GDAP1L1: variants seen among roughly 807,000 people sequenced by gnomAD.
GDAP1L1 encodes ganglioside induced differentiation associated protein 1 like 1, also known as ganglioside-induced differentiation-associated protein 1-like 1.
GDAP1L1 carries 21 observed loss-of-function variants against 37.1 expected under a neutral mutation model. The observed-to-expected ratio is 0.57, with a 90% CI of 0.40 to 0.81. The LOEUF (loss-of-function observed/expected upper bound fraction) is 0.81. GDAP1L1 is among the 40% of genes least tolerant of loss of function. The probability of loss-of-function intolerance (pLI) is 0.00; values close to 1 mark genes in which losing one functional copy is unlikely to be tolerated. For missense variants in GDAP1L1, 362 were observed against 491.6 expected, an observed-to-expected ratio of 0.74 and a Z score of 2.49; for synonymous variants, 193 against 209.1, an observed-to-expected ratio of 0.92 and a Z score of 0.67.
chr20:44,279,658 T>C lies in GDAP1L1; in HGVS notation c.*358T>C, dbSNP rs2062621640. The C allele has an allele frequency of 2.1e-6, 1 of 480,746 alleles. No homozygotes were observed. Among genetic ancestry groups the C allele is most frequent in the Non-Finnish European group, 4.3e-6 (1 of 233,788 alleles). 29.8% of individuals were successfully genotyped at this position (480,746 alleles called of 1,614,324 possible). A position where few individuals can be genotyped will look rare whatever the true frequency, so the allele number is the denominator to read the frequency against. ...GATGTTTCGTCCACCAGGGCCCAGA[T>C]TCTGGGAGGTGCTGGGGACTCAGAG... On this transcript the variant is annotated 3_prime_UTR_variant, in exon 6 of 6. Coordinates refer to ENST00000342560, the MANE Select transcript of GDAP1L1 (RefSeq NM_024034.6).
At chr20:44,278,677 GGC>G (rs2062609740) in intron 5 of GDAP1L1, among the ~76,000 whole-genome samples, 1 of 152,034 alleles carries the variant, frequency 6.6e-6, no homozygotes, top group Non-Finnish European at 1.5e-5. Flanking sequence ...CACCATGCCT[GGC>G]CACGTATTTG....
chr20:44,276,385 AAAGAAAAGAAAG>A (rs2062574729), intron 5 of GDAP1L1, among the ~76,000 whole-genome samples: 10 of 147,100 alleles, frequency 6.8e-5, no homozygotes, highest in African/African-American at 2.3e-4. Context: ...GAAGGAAGGA[AAAGAAAAGAAAG>A]GGAAAGAAAA....
chr20:44,272,176 A>G (rs2062524454), intron 5 of GDAP1L1, among the ~76,000 whole-genome samples: 1 of 152,122 alleles, frequency 6.6e-6, no homozygotes, highest in South Asian at 2.1e-4. Context: ...AAGGGGGAGG[A>G]GCACCTAGAA....
chr20:44,247,442 G>A lies in GDAP1L1; in HGVS notation c.108G>A (p.Ala36=). The A allele has an allele frequency of 6.2e-7, 1 of 1,607,324 alleles. No individual in the cohort carries two copies. The highest frequency in any genetic ancestry group is 8.5e-7 in the Non-Finnish European group (1 of 1,177,590). The stretch of plus-strand genomic sequence containing the variant: ...CGGAGGCCCCCGACGCTCCCGAGGC[G>A]GCCAGCCCCGCCCATTGGCCCAGGG... ...KPAEAPDAPE[A]ASPAHWPRES... is the part of the protein sequence containing the mutation. The change falls in exon 1 of 6, where the codon GCG becomes GCA. Residue 36 remains alanine (A), a synonymous_variant. Transcript: ENST00000342560.
chr20:44,276,466 A>AAGAAAGAAAGAAAGAAAGAAAGAG (rs1555801145), intron 5 of GDAP1L1, among the ~76,000 whole-genome samples: 1 of 136,986 alleles, frequency 7.3e-6, no homozygotes, highest in South Asian at 2.4e-4. Flanking sequence ...GAAAGAAAGA[A>AAGAAAGAAAGAAAGAAAGAAAGAG]AAAGAAAGGC....
intron 5 of GDAP1L1, among the ~76,000 whole-genome samples, chr20:44,278,278 G>A (rs1236900381): frequency 2.0e-5 from 3 of 152,162 alleles, no homozygotes. Context: ...GTGGCTCTGG[G>A]GGGAATTCCA....
intron 5 of GDAP1L1, among the ~76,000 whole-genome samples, chr20:44,267,952 C>T (rs931527951): frequency 2.0e-5 from 3 of 152,136 alleles, no homozygotes; most frequent in Non-Finnish European, 4.4e-5. Flanking sequence ...GGAGAGGTGT[C>T]GACAGTCCTT....
chr20:44,276,095 G>A (rs938957489), intron 5 of GDAP1L1, among the ~76,000 whole-genome samples: 3 of 151,710 alleles, frequency 2.0e-5, no homozygotes, highest in African/African-American at 7.3e-5. Flanking sequence ...GCCGAGGCAG[G>A]CGGATCATCT....
intron 1 of GDAP1L1, among the ~76,000 whole-genome samples, chr20:44,251,981 T>C (rs1036340525): frequency 6.6e-6 from 1 of 152,214 alleles, no homozygotes; most frequent in African/African-American, 2.4e-5. Flanking sequence ...GCGCATGATA[T>C]TTTGAGACAA....
In GDAP1L1 at chr20:44,280,867, A is replaced by G. The variant is rs2062632138; in HGVS notation, c.*1567A>G. ...GGGAAAAATGTATTTAAAATGCCCA[A>G]AGAACATTAAATCAGGAGTATAATG... On this transcript the variant is annotated 3_prime_UTR_variant, in exon 6 of 6. Transcript: ENST00000342560. 2 of 152,274 alleles carry G rather than the reference A, an allele frequency of 1.3e-5. No homozygotes were observed. Among genetic ancestry groups the G allele is most frequent in the African/African-American group, 4.8e-5 (2 of 41,476 alleles). 9.4% of individuals were successfully genotyped at this position (152,274 alleles called of 1,614,324 possible).
At chr20:44,271,584 C>T (rs565073563) in intron 5 of GDAP1L1, among the ~76,000 whole-genome samples, 2 of 152,148 alleles carry the variant, frequency 1.3e-5, no homozygotes, top group African/African-American at 2.4e-5. Flanking sequence ...GGAATGAAGG[C>T]GGTGAGTGTA....
intron 1 of GDAP1L1, among the ~76,000 whole-genome samples, chr20:44,256,728 A>T (rs1294044333): frequency 6.6e-6 from 1 of 152,056 alleles, no homozygotes; most frequent in Non-Finnish European, 1.5e-5. Context: ...GGCCAGGCTG[A>T]GTGCTCAACT....
intron 5 of GDAP1L1, among the ~76,000 whole-genome samples, chr20:44,276,393 G>C (rs1461807809): frequency 2.4e-5 from 1 of 41,004 alleles, no homozygotes; most frequent in Non-Finnish European, 4.5e-5. Context: ...GAAAAGAAAA[G>C]AAAGGGAAAG....
At chr20:44,254,522 A>C (rs142715045) in intron 1 of GDAP1L1, among the ~76,000 whole-genome samples, 2 of 152,346 alleles carry the variant, frequency 1.3e-5, no homozygotes, top group East Asian at 3.9e-4. Flanking sequence ...TGAATGTAGT[A>C]GTGTCAGCTT....
intron 2 of GDAP1L1, among the ~76,000 whole-genome samples, 196 bp downstream of exon 2, chr20:44,257,541 G>A (rs2073582646): frequency 6.6e-6 from 1 of 152,092 alleles, no homozygotes; most frequent in Non-Finnish European, 1.5e-5. Flanking sequence ...AGAGCCACAG[G>A]CATAGCTACT....
chr20:44,247,299 A>G, upstream of GDAP1L1: 5 of 1,607,818 alleles, frequency 3.1e-6, no homozygotes, highest in Non-Finnish European at 4.3e-6. Flanking sequence ...GCCGCGCCGG[A>G]GCCTCCTTCT....
rs75651323 is a variant in GDAP1L1 at position 44,256,747 on chromosome 20, G to A, written c.181-406G>A. Reference sequence around the variant, plus strand: ...AGGCTGAGTGCTCAACTGTGATAACGACGATCACAAATTGAGTGCCAATAA... The same window carrying A: ...AGGCTGAGTGCTCAACTGTGATAACAACGATCACAAATTGAGTGCCAATAA... On this transcript the variant is annotated intron_variant, in intron 1 of 5. Coordinates refer to ENST00000342560, the MANE Select transcript of GDAP1L1 (RefSeq NM_024034.6). Among the ~76,000 whole-genome samples, 226 of 152,192 alleles carry A rather than the reference G, an allele frequency of 1.5e-3. 1 individual carries two copies. The highest frequency in any genetic ancestry group is 4.7e-3 in the African/African-American group (196 of 41,524).
intron 5 of GDAP1L1, among the ~76,000 whole-genome samples, chr20:44,270,811 C>A (rs977690572): frequency 1.3e-5 from 2 of 152,178 alleles, no homozygotes; most frequent in African/African-American, 4.8e-5. Context: ...AAAGAGAAGA[C>A]GCAGAAGCCA....
chr20:44,247,572 C>A, intron 1 of GDAP1L1, 58 bp downstream of exon 1: 2 of 1,428,366 alleles, frequency 1.4e-6, no homozygotes, highest in African/African-American at 1.4e-5. Flanking sequence ...GGAGGGGAGC[C>A]CCAGGGCTTG....
Sources: gnomAD v4.1 joint callset for allele counts (sites outside exome capture counted in the v4.1 genomes callset) on GRCh38, gnomAD v4.1.1 for gene constraint, MANE v1.5 for transcripts, NCBI Gene and HGNC (gene_info 2026-07-23, HGNC 2026-07-21) for gene names.